The following SLC35G2 variants were observed in gnomAD, a reference collection of about 807,000 sequenced individuals.
SLC35G2 encodes the protein solute carrier family 35 member G2, also known as transmembrane protein 22.
In SLC35G2, 20 loss-of-function variants were observed where a neutral mutation model predicts 27.2. That is an observed-to-expected ratio of 0.74 (90% confidence interval 0.52 to 1.07). The LOEUF (loss-of-function observed/expected upper bound fraction) is 1.07, where lower values mean the gene tolerates loss of function less well. SLC35G2 is among the 50% of genes least tolerant of loss of function. SLC35G2 has a pLI of 0.00. For missense variants in SLC35G2, 416 were observed against 493.3 expected (o/e 0.84, Z 1.48); for synonymous variants, 148 against 165.3 (o/e 0.90, Z 0.80).
intron 1 of SLC35G2, among the ~76,000 whole-genome samples, chr3:136,831,470 G>A (rs1263809282): frequency 9.2e-5 from 14 of 152,128 alleles, no homozygotes; most frequent in Non-Finnish European, 1.9e-4. Flanking sequence ...TCTTGGAGTG[G>A]TAACACTTTA....
chr3:136,850,310 A>G (rs1039542112), intron 1 of SLC35G2, among the ~76,000 whole-genome samples: 7 of 151,842 alleles, frequency 4.6e-5, no homozygotes, highest in African/African-American at 1.2e-4. Flanking sequence ...CCCTCCTGTC[A>G]CTCCTGATAA....
chr3:136,831,796 G>A (rs987125244), intron 1 of SLC35G2, among the ~76,000 whole-genome samples: 5 of 151,898 alleles, frequency 3.3e-5, no homozygotes, highest in African/African-American at 1.2e-4. Context: ...GCTGAGCTTC[G>A]TTTAAGTTTT....
At chr3:136,850,882 G>C (rs894799971) in intron 1 of SLC35G2, among the ~76,000 whole-genome samples, 17 of 152,062 alleles carry the variant, frequency 1.1e-4, no homozygotes, top group Admixed American at 3.9e-4. Flanking sequence ...TCTTAGCTGA[G>C]GCTGAGGTGG....
At chr3:136,822,784 T>C (rs978371630) in intron 1 of SLC35G2, among the ~76,000 whole-genome samples, 1 of 152,230 alleles carries the variant, frequency 6.6e-6, no homozygotes, top group African/African-American at 2.4e-5. Flanking sequence ...TATGCCTAAA[T>C]AGTACTCCAT....
At chr3:136,852,743 T>G (rs1056329378) in intron 1 of SLC35G2, among the ~76,000 whole-genome samples, 14 of 152,100 alleles carry the variant, frequency 9.2e-5, no homozygotes, top group Admixed American at 2.0e-4. Flanking sequence ...TCTGCCTACC[T>G]CGGCCTCCCA....
At chr3:136,839,336 G>T (rs1401491455) in intron 1 of SLC35G2, among the ~76,000 whole-genome samples, 1 of 152,196 alleles carries the variant, frequency 6.6e-6, no homozygotes, top group East Asian at 1.9e-4. Context: ...TGCCAGAATG[G>T]ATTTTAAAAT....
chr3:136,848,957 A>C (rs1051918984), intron 1 of SLC35G2, among the ~76,000 whole-genome samples: 1 of 152,100 alleles, frequency 6.6e-6, no homozygotes, highest in Non-Finnish European at 1.5e-5. Context: ...AGGCAGGCGG[A>C]TCACCTGAGG....
chr3:136,831,888 TC>T (rs1308439819), intron 1 of SLC35G2, among the ~76,000 whole-genome samples: 1 of 151,834 alleles, frequency 6.6e-6, no homozygotes, highest in African/African-American at 2.4e-5. Flanking sequence ...TTGAGTCTAG[TC>T]TTTTTTTTTT....
chr3:136,829,282 C>T (rs1325400942), intron 1 of SLC35G2, among the ~76,000 whole-genome samples: 2 of 151,670 alleles, frequency 1.3e-5, no homozygotes, highest in Non-Finnish European at 2.9e-5. Context: ...AGTGCAGTGG[C>T]GCCATCTTGG....
At chr3:136,824,211 T>G (rs1330095287) in intron 1 of SLC35G2, among the ~76,000 whole-genome samples, 1 of 152,206 alleles carries the variant, frequency 6.6e-6, no homozygotes. Flanking sequence ...CTGGGTCTTT[T>G]GTGGTTCCAT....
intron 1 of SLC35G2, among the ~76,000 whole-genome samples, chr3:136,846,910 C>T (rs1260430947): frequency 6.6e-6 from 1 of 152,192 alleles, no homozygotes; most frequent in African/African-American, 2.4e-5. Flanking sequence ...TGGCTCACAC[C>T]TGTAATCCCA....
rs759981904 is a variant in SLC35G2, at chr3:136,855,552, C to T, written c.1092C>T (p.Leu364=). Residue 364 remains leucine, a synonymous_variant, in exon 2 of 2, where the codon CTC becomes CTT. Coordinates refer to ENST00000446465, the MANE Select transcript of SLC35G2 (RefSeq NM_025246.3). ...TGGTAGCTATGGTCTTGCAGCTTCT[C>T]GTGCTGCACATATTTCCTAGCATCT... is the stretch of plus-strand genomic sequence containing the variant. ...EIVVAMVLQL[L]VLHIFPSIYD... The T allele has an allele frequency of 1.1e-4, 178 of 1,613,954 alleles. 1 individual carries two copies. Among genetic ancestry groups the T allele is most frequent in the Admixed American group, 4.7e-4 (28 of 59,996 alleles).
At position 136,828,176 on chromosome 3, in the gene SLC35G2, T is replaced by G. The variant is rs188715115; in HGVS notation, c.-19+8548T>G. Among the ~76,000 whole-genome samples, 5 of 152,360 alleles carry G rather than the reference T, an allele frequency of 3.3e-5. No individual in the cohort carries two copies. In the East Asian group the frequency reaches 7.7e-4, roughly 24 times the overall value. ...TGTGACTTAACATGTGTTCTATCCTTGAGAATCATCCATGTGATGAGAAGA... is the reference window on the plus strand; with the variant it reads ...TGTGACTTAACATGTGTTCTATCCTGGAGAATCATCCATGTGATGAGAAGA... On this transcript the variant is annotated intron_variant, in intron 1 of 1. Coordinates refer to ENST00000446465, the MANE Select transcript of SLC35G2 (RefSeq NM_025246.3).
At chr3:136,848,744 C>G (rs1937507509) in intron 1 of SLC35G2, among the ~76,000 whole-genome samples, 1 of 152,072 alleles carries the variant, frequency 6.6e-6, no homozygotes, top group South Asian at 2.1e-4. Flanking sequence ...AACAATTACA[C>G]ATAAAGATGG....
chr3:136,842,889 T>C (rs1232131856), intron 1 of SLC35G2: 1 of 152,262 alleles, frequency 6.6e-6, no homozygotes, highest in Non-Finnish European at 1.5e-5. Flanking sequence ...AAATGAGCCC[T>C]CTTGGGCTGT....
At chr3:136,846,786 ACTTTCT>A (rs1313936269) in intron 1 of SLC35G2, among the ~76,000 whole-genome samples, 1 of 152,218 alleles carries the variant, frequency 6.6e-6, no homozygotes, top group South Asian at 2.1e-4. Flanking sequence ...CATCCAAAAC[ACTTTCT>A]CTTAAGACAG....
At chr3:136,852,693 A>G (rs1340780943) in intron 1 of SLC35G2, among the ~76,000 whole-genome samples, 1 of 151,852 alleles carries the variant, frequency 6.6e-6, no homozygotes, top group Non-Finnish European at 1.5e-5. Context: ...GGATTTTACC[A>G]TGTTGGCCAG....
chr3:136,833,069 C>CAAA (rs56357764), intron 1 of SLC35G2, among the ~76,000 whole-genome samples: 1 of 114,858 alleles, frequency 8.7e-6, no homozygotes, highest in African/African-American at 3.3e-5. Flanking sequence ...GACTCTGTCT[C>CAAA]AAAAAAAAAA....
intron 1 of SLC35G2, among the ~76,000 whole-genome samples, chr3:136,824,747 G>A (rs575276529): frequency 6.6e-6 from 1 of 151,966 alleles, no homozygotes; most frequent in Non-Finnish European, 1.5e-5. Flanking sequence ...TTTATTTCTT[G>A]CTTTTTTAAA....
Sources: allele counts gnomAD v4.1 joint callset (sites outside exome capture counted in the v4.1 genomes callset), GRCh38; gene constraint gnomAD v4.1.1; transcripts MANE v1.5; gene names NCBI Gene and HGNC (gene_info 2026-07-23, HGNC 2026-07-21).